The following FAT4 variants were observed in gnomAD, a reference collection of about 807,000 sequenced individuals.
FAT4 encodes FAT atypical cadherin 4.
In FAT4, 84 loss-of-function variants were observed where a neutral mutation model predicts 303.9. That is an observed-to-expected ratio of 0.28 (90% CI 0.23 to 0.33). The LOEUF is 0.33. FAT4 is among the 10% of genes least tolerant of loss of function. FAT4 has a pLI of 1.00. For synonymous variants in FAT4, 2,307 were observed against 2,298.8 expected, an observed-to-expected ratio of 1.00 and a Z score of -0.10; for missense variants, 6,005 against 6,146.8, an observed-to-expected ratio of 0.98 and a Z score of 0.77.
chr4:125,434,616 G>T (rs1725393251), intron 8 of FAT4, among the ~76,000 whole-genome samples, 191 bp downstream of exon 8: 1 of 152,118 alleles, frequency 6.6e-6, no homozygotes, highest in Admixed American at 6.6e-5. Flanking sequence ...ATTACTCTAA[G>T]ATTTTATTTA....
intron 2 of FAT4, among the ~76,000 whole-genome samples, chr4:125,362,585 A>G (rs1732716214): frequency 1.3e-5 from 2 of 152,232 alleles, no homozygotes; most frequent in Middle Eastern, 6.8e-3. Flanking sequence ...ACAGATTTAC[A>G]TTTACTGTTT....
Position 125,448,618 on chromosome 4 carries a change from G to A in FAT4, c.7608G>A (p.Val2536=). ...GACCACTAAACGGAGCTTCAGAAGT[G>A]ACATTTTCTGTGCATGTAAAAGATG... The part of the protein sequence containing the change: ...AAGPLNGASE[V]TFSVHVKDGG... Residue 2536 remains valine (V), a synonymous_variant, in exon 10 of 18, where the codon GTG becomes GTA. Coordinates refer to ENST00000394329, the MANE Select transcript of FAT4 (RefSeq NM_001291303.3). 1.2e-6 allele frequency: 2 copies of A among 1,613,934 alleles called. No homozygotes were observed. Among genetic ancestry groups the A allele is most frequent in the Non-Finnish European group, 1.7e-6 (2 of 1,179,904 alleles).
chr4:125,388,557 A>G (rs1394014932), intron 2 of FAT4, among the ~76,000 whole-genome samples: 2 of 152,176 alleles, frequency 1.3e-5, no homozygotes, highest in Non-Finnish European at 2.9e-5. Context: ...TAGTATAAAA[A>G]TTTCCATAAG....
chr4:125,339,938 A>G (rs901719621), intron 2 of FAT4, among the ~76,000 whole-genome samples: 1 of 152,154 alleles, frequency 6.6e-6, no homozygotes, highest in Admixed American at 6.5e-5. Context: ...GTATAATTGT[A>G]TATGTGTATA....
intron 9 of FAT4, among the ~76,000 whole-genome samples, chr4:125,448,000 G>A (rs188463919): frequency 3.7e-4 from 57 of 152,120 alleles, no homozygotes; most frequent in African/African-American, 1.3e-3. Context: ...CATGATTTTT[G>A]TTGACAAGAT....
intron 2 of FAT4, among the ~76,000 whole-genome samples, chr4:125,360,093 C>G (rs899533473): frequency 6.6e-6 from 1 of 152,096 alleles, no homozygotes; most frequent in Admixed American, 6.6e-5. Context: ...TCTAATCCAT[C>G]TTATCTTTTG....
rs948361794 is a variant in FAT4, at chr4:125,318,897, T to G, written c.2486T>G (p.Leu829Arg). ...TMDLNSNISY[L>R]ITTGDQKGMF... ...GATCTCAATTCCAACATCAGTTATC[T>G]CATTACTACTGGGGATCAGAAAGGT... Residue 829 changes from leucine to arginine, a missense_variant, in exon 2 of 18, where the codon CTC (leucine) becomes CGC (arginine). Leu to Arg is a moderately radical substitution (Grantham distance 102, BLOSUM62 -2). Coordinates refer to ENST00000394329, the MANE Select transcript of FAT4 (RefSeq NM_001291303.3). 2 of 1,614,084 alleles carry G rather than the reference T, an allele frequency of 1.2e-6. No individual in the cohort carries two copies. The highest frequency in any genetic ancestry group is 1.7e-6 in the Non-Finnish European group (2 of 1,180,046).
At chr4:125,325,054 A>G (rs1231876543) in intron 2 of FAT4, among the ~76,000 whole-genome samples, 1 of 152,048 alleles carries the variant, frequency 6.6e-6, no homozygotes, top group Non-Finnish European at 1.5e-5. Context: ...GCTAAAATAT[A>G]CAAGCAGAAT....
At chr4:125,409,744 C>T (rs912356889) in intron 5 of FAT4, among the ~76,000 whole-genome samples, 1 of 152,136 alleles carries the variant, frequency 6.6e-6, no homozygotes, top group African/African-American at 2.4e-5. Context: ...TCTTCTAACA[C>T]CTGTTTTGTA....
At chr4:125,460,768 T>C (rs1726457109) in intron 10 of FAT4, among the ~76,000 whole-genome samples, 1 of 152,130 alleles carries the variant, frequency 6.6e-6, no homozygotes, top group Non-Finnish European at 1.5e-5. Flanking sequence ...GTCTGTATGG[T>C]AAAATGATTT....
Position 125,451,576 on chromosome 4 carries a change from C to G in FAT4, c.10566C>G (p.Asn3522Lys). The change falls in exon 10 of 18, where the codon AAC becomes AAG. Residue 3522 changes from asparagine to lysine, a missense_variant. By Grantham distance (94) the Asn-to-Lys change is moderately conservative. Coordinates refer to ENST00000394329, the MANE Select transcript of FAT4 (RefSeq NM_001291303.3). ...TCAGTGAAGGAGAAGTCATGGAAAA[C>G]AAACGGCCAGGCACTTTGGTGATGA... Reference protein sequence around the residue: ...LTVSEGEVMENKRPGTLVMTL... With the variant: ...LTVSEGEVMEKKRPGTLVMTL... 6.2e-7 allele frequency: 1 copy of G among 1,614,100 alleles called. No individual in the cohort carries two copies. Among genetic ancestry groups the G allele is most frequent in the South Asian group, 1.1e-5 (1 of 91,072 alleles).
In FAT4 at chr4:125,491,235, A is replaced by G. The variant is rs1727627522; in HGVS notation, c.14419A>G (p.Ile4807Val). 9 of 1,613,978 alleles carry G rather than the reference A, an allele frequency of 5.6e-6. No homozygotes were observed. The highest frequency in any genetic ancestry group is 2.2e-5 in the South Asian group (2 of 91,084). ...CACACCTCGCCCTAGAAACCCAAGT[A>G]TCTGCAGTGCAGACCATGGGAGGTC... is the stretch of plus-strand genomic sequence containing the variant. ...LNTPRPRNPS[I>V]CSADHGRSSS... Residue 4807 changes from isoleucine to valine, a missense_variant, in exon 18 of 18, where the codon ATC (isoleucine) becomes GTC (valine). Physicochemically the swap from Ile to Val is conservative, Grantham distance 29 (BLOSUM62 3). Transcript: ENST00000394329.
In FAT4 at chr4:125,319,117, G is replaced by C; in HGVS notation, c.2706G>C (p.Val902=). The C allele has an allele frequency of 6.2e-7, 1 of 1,613,456 alleles. No individual in the cohort carries two copies. The highest frequency in any genetic ancestry group is 1.1e-5 in the South Asian group (1 of 91,066). Residue 902 remains valine (V), a synonymous_variant, in exon 2 of 18, where the codon GTG becomes GTC. Coordinates refer to ENST00000394329, the MANE Select transcript of FAT4 (RefSeq NM_001291303.3). ...HFLQAIESVN[V]VENWQAGHSI... Reference sequence around the variant, plus strand: ...TTCAGGCAATAGAGAGTGTAAATGTGGTGGAGAATTGGCAGGCAGGTCACA... The same window carrying C: ...TTCAGGCAATAGAGAGTGTAAATGTCGTGGAGAATTGGCAGGCAGGTCACA...
chr4:125,460,620 CT>C (rs1474278022), intron 10 of FAT4, among the ~76,000 whole-genome samples: 1 of 152,074 alleles, frequency 6.6e-6, no homozygotes, highest in East Asian at 1.9e-4. Context: ...TAATCTTGTT[CT>C]TTTTTATGAC....
chr4:125,445,009 G>A (rs1725779756), intron 8 of FAT4, among the ~76,000 whole-genome samples: 2 of 151,998 alleles, frequency 1.3e-5, no homozygotes, highest in African/African-American at 2.4e-5. Context: ...ACTGTAAAGG[G>A]CAATAATTAT....
At chr4:125,440,130 CT>C (rs1343565120) in intron 8 of FAT4, among the ~76,000 whole-genome samples, 1 of 152,026 alleles carries the variant, frequency 6.6e-6, no homozygotes, top group Non-Finnish European at 1.5e-5. Context: ...TTTACAATAT[CT>C]GGTACATAAC....
chr4:125,373,054 A>T (rs1348195573), intron 2 of FAT4, among the ~76,000 whole-genome samples: 1 of 152,326 alleles, frequency 6.6e-6, no homozygotes, highest in South Asian at 2.1e-4. Context: ...TTATAACAAA[A>T]TTCAGAAAAT....
At chr4:125,476,936 T>C (rs1361932457) in intron 13 of FAT4, among the ~76,000 whole-genome samples, 1 of 152,102 alleles carries the variant, frequency 6.6e-6, no homozygotes, top group Non-Finnish European at 1.5e-5. Context: ...ACTTGACTAA[T>C]TGAAAACATA....
intron 4 of FAT4, among the ~76,000 whole-genome samples, chr4:125,407,381 G>A (rs1734660000): frequency 6.6e-6 from 1 of 151,894 alleles, no homozygotes; most frequent in Admixed American, 6.6e-5. Context: ...AAGTATTTGT[G>A]ACATGGGTTA....
Sources: allele counts gnomAD v4.1 joint callset (sites outside exome capture counted in the v4.1 genomes callset), GRCh38; gene constraint gnomAD v4.1.1; transcripts MANE v1.5; gene names NCBI Gene and HGNC (gene_info 2026-07-23, HGNC 2026-07-21).